Variants in TRIOBP observed in about 807,000 individuals in gnomAD.
The protein encoded by TRIOBP is TRIO and F-actin binding protein.
TRIOBP carries 169 observed loss-of-function variants against 238.8 expected under a neutral mutation model. The observed-to-expected ratio is 0.71, with a 90% CI of 0.62 to 0.80. The LOEUF (loss-of-function observed/expected upper bound fraction) is 0.80. TRIOBP is among the 30% of genes least tolerant of loss of function. TRIOBP has a pLI of 0.00. For missense variants in TRIOBP, 2,838 were observed against 3,122.6 expected (o/e 0.91, Z 2.17); for synonymous variants, 1,150 against 1,274.4 (o/e 0.90, Z 2.08).
intron 10 of TRIOBP, among the ~76,000 whole-genome samples, chr22:37,739,105 G>A (rs1348528223): frequency 6.6e-6 from 1 of 152,160 alleles, no homozygotes; most frequent in African/African-American, 2.4e-5. Context: ...CCAGAGAGCT[G>A]AGGATGTACC....
At chr22:37,704,970 G>C (rs935459039) in intron 3 of TRIOBP, among the ~76,000 whole-genome samples, 10 of 152,008 alleles carry the variant, frequency 6.6e-5, no homozygotes, top group Non-Finnish European at 4.4e-5. Context: ...CTAGTCAGAA[G>C]GCTGATGTGG....
intron 4 of TRIOBP, 106 bp from the exon 5 acceptor site, chr22:37,713,104 C>A (rs1255963234): frequency 4.0e-6 from 4 of 1,006,552 alleles, no homozygotes; most frequent in Non-Finnish European, 5.9e-6. Context: ...TTTCCCACAC[C>A]AGCGTGTGGG....
Position 37,770,959 on chromosome 22 carries a change from G to C in TRIOBP, c.6850-691G>C, listed in dbSNP as rs531543702. Among the ~76,000 whole-genome samples the C allele has an allele frequency of 2.0e-5, 3 of 152,348 alleles. No individual in the cohort carries two copies. The East Asian group carries it at 5.8e-4, about 29-fold the overall frequency. ...TGCCTCCCAAAGTGCTGGGATTACA[G>C]GCGTGAGCCACCGCTCCTGGCCCCA... On this transcript the variant is annotated intron_variant, in intron 21 of 23. Coordinates refer to ENST00000644935, the MANE Select transcript of TRIOBP (RefSeq NM_001039141.3).
intron 11 of TRIOBP, among the ~76,000 whole-genome samples, chr22:37,741,495 G>C (rs1220471477): frequency 6.6e-6 from 1 of 152,224 alleles, no homozygotes; most frequent in Non-Finnish European, 1.5e-5. Context: ...CCTCTGGCTG[G>C]GTTTTCCACA....
At chr22:37,753,436 A>G (rs1925735355) in intron 12 of TRIOBP, among the ~76,000 whole-genome samples, 1 of 152,068 alleles carries the variant, frequency 6.6e-6, no homozygotes, top group African/African-American at 2.4e-5. Context: ...CACCATGCCC[A>G]TCTAATTTTT....
At chr22:37,717,193 C>T (rs1291265064) in intron 6 of TRIOBP, among the ~76,000 whole-genome samples, 5 of 152,120 alleles carry the variant, frequency 3.3e-5, no homozygotes, top group African/African-American at 9.7e-5. Flanking sequence ...GAGACGCGTC[C>T]GCAGTTGTTC....
chr22:37,737,283 T>C (rs1924719524), intron 9 of TRIOBP, among the ~76,000 whole-genome samples: 1 of 152,070 alleles, frequency 6.6e-6, no homozygotes, highest in African/African-American at 2.4e-5. Flanking sequence ...GGGAGCACCA[T>C]GTACTGAAAG....
chr22:37,774,621 G>A lies in TRIOBP; in HGVS notation c.*841G>A, dbSNP rs1437317061. On this transcript the variant is annotated 3_prime_UTR_variant, in exon 24 of 24. Coordinates refer to ENST00000644935, the MANE Select transcript of TRIOBP (RefSeq NM_001039141.3). ...ACCCTTCCTAAAGCAGCGGCCTCTA[G>A]GCTTCTGAGGGTGGGGCTGAAAATC... 6.6e-6 allele frequency: 1 copy of A among 152,268 alleles called. No individual in the cohort carries two copies. The highest frequency in any genetic ancestry group is 1.5e-5 in the Non-Finnish European group (1 of 68,080). The allele number at this position is 152,268 out of a possible 1,614,324, so 9.4% of individuals were successfully genotyped here. A position where few individuals can be genotyped will look rare whatever the true frequency, so the allele number is the denominator to read the frequency against.
chr22:37,752,830 C>T (rs778923187), intron 12 of TRIOBP, among the ~76,000 whole-genome samples: 2 of 152,126 alleles, frequency 1.3e-5, no homozygotes. Context: ...CTGGAATGTC[C>T]GAACTGGAAG....
chr22:37,735,335 A>G lies in TRIOBP; in HGVS notation c.4999A>G (p.Ile1667Val), dbSNP rs1924619931. The G allele has an allele frequency of 6.2e-7, 1 of 1,613,354 alleles. No individual in the cohort carries two copies. The highest frequency in any genetic ancestry group is 8.5e-7 in the Non-Finnish European group (1 of 1,179,824). Residue 1667 changes from isoleucine to valine, a missense_variant, in exon 9 of 24, where the codon ATC becomes GTC. Physicochemically the swap from Ile to Val is conservative, Grantham distance 29. Coordinates refer to ENST00000644935, the MANE Select transcript of TRIOBP (RefSeq NM_001039141.3). ...PACTSTQWPK[I>V]KVTRGPATAT... is the part of the protein sequence containing the mutation. ...CTGCACCTCCACCCAGTGGCCAAAG[A>G]TCAAAGTGACAAGAGGACCAGCGAC...
chr22:37,767,085 T>C (rs1926535660), intron 18 of TRIOBP, among the ~76,000 whole-genome samples: 1 of 152,044 alleles, frequency 6.6e-6, no homozygotes, highest in African/African-American at 2.4e-5. Flanking sequence ...ACCCTGTCTC[T>C]ACTATGAATA....
At position 37,726,242 on chromosome 22, in the gene TRIOBP, C is replaced by T; in HGVS notation, c.3686C>T (p.Pro1229Leu). 1.2e-6 allele frequency: 2 copies of T among 1,610,968 alleles called. No individual in the cohort carries two copies. Among genetic ancestry groups the T allele is most frequent in the Non-Finnish European group, 1.7e-6 (2 of 1,178,830 alleles). The change falls in exon 7 of 24, where the codon CCA becomes CTA. Residue 1229 changes from proline to leucine, a missense_variant. Around this residue, in one of 5 missense-constraint regions of TRIOBP, gnomAD observed 2,096 missense variants for 2,137.4 expected, o/e 0.98. Transcript: ENST00000644935. ...CGGGATGCACCCCGAGCCTCCTCCCCACCCCGCCACCCACCCAGTGACCTA... is the reference window on the plus strand; with the variant it reads ...CGGGATGCACCCCGAGCCTCCTCCCTACCCCGCCACCCACCCAGTGACCTA... ...GHRDAPRASS[P>L]PRHPPSDLAF...
At chr22:37,750,502 C>T in intron 11 of TRIOBP, 1 of 389,510 alleles carries the variant, frequency 2.6e-6, no homozygotes, top group East Asian at 7.4e-5. Flanking sequence ...GGTCACCAAT[C>T]TTCATTCTTA....
At chr22:37,719,618 C>G (rs1357267763) in intron 6 of TRIOBP, among the ~76,000 whole-genome samples, 1 of 151,988 alleles carries the variant, frequency 6.6e-6, no homozygotes, top group Non-Finnish European at 1.5e-5. Flanking sequence ...CAGCAGTGAC[C>G]TGTTTTTTTG....
At chr22:37,742,300 A>C (rs1601644767) in intron 11 of TRIOBP, among the ~76,000 whole-genome samples, 3 of 105,096 alleles carry the variant, frequency 2.9e-5, no homozygotes, top group South Asian at 3.3e-4. Flanking sequence ...GTCTCGTTCT[A>C]CCCCCAGACT....
rs1166183249 is a variant in TRIOBP at position 37,735,056 on chromosome 22, T to C, written c.4720T>C (p.Trp1574Arg). The change falls in exon 9 of 24, where the codon TGG (tryptophan) becomes CGG (arginine). Residue 1574 changes from tryptophan to arginine, a missense_variant. Coordinates refer to ENST00000644935, the MANE Select transcript of TRIOBP (RefSeq NM_001039141.3). ...GLLRAPGEGV[W>R]ARVPSLDWEG... ...TCTCCGGGCACCAGGAGAGGGGGTCTGGGCCCGTGTCCCCAGCCTGGACTG... is the reference window on the plus strand; with the variant it reads ...TCTCCGGGCACCAGGAGAGGGGGTCCGGGCCCGTGTCCCCAGCCTGGACTG... The C allele has an allele frequency of 1.2e-6, 2 of 1,607,224 alleles. No individual in the cohort carries two copies. The highest frequency in any genetic ancestry group is 3.3e-5 in the Admixed American group (2 of 59,854).
At chr22:37,705,499 G>C (rs190461093) in intron 3 of TRIOBP, among the ~76,000 whole-genome samples, 1 of 152,068 alleles carries the variant, frequency 6.6e-6, no homozygotes, top group Non-Finnish European at 1.5e-5. Flanking sequence ...GGAGAATGGG[G>C]GGAGGCCTGG....
At chr22:37,730,297 A>G (rs1924362777) in intron 7 of TRIOBP, among the ~76,000 whole-genome samples, 1 of 152,164 alleles carries the variant, frequency 6.6e-6, no homozygotes, top group South Asian at 2.1e-4. Flanking sequence ...TCAGCATCGG[A>G]CAAGCCAGGT....
At position 37,755,159 on chromosome 22, in the gene TRIOBP, C is replaced by T. The variant is rs1280973762; in HGVS notation, c.5546C>T (p.Ala1849Val). 5.0e-6 allele frequency: 8 copies of T among 1,613,348 alleles called. No homozygotes were observed. The highest frequency in any genetic ancestry group is 3.3e-5 in the South Asian group (3 of 90,920). The change falls in exon 14 of 24, where the codon GCG becomes GTG. Residue 1849 changes from alanine (A) to valine (V), a missense_variant. By Grantham distance (64) the Ala-to-Val change is moderately conservative (BLOSUM62 0). Around this residue, in one of 5 missense-constraint regions of TRIOBP, gnomAD observed 2,096 missense variants for 2,137.4 expected, o/e 0.98. Transcript: ENST00000644935. ...LRSCTDVTEY[A>V]VQRNYGFQIH... ...TCCTGCACGGATGTCACTGAGTACG[C>T]GGTGCAGCGCAACTATGGCTTCCAG... is the stretch of plus-strand genomic sequence containing the variant.
Sources: allele counts gnomAD v4.1 joint callset (sites outside exome capture counted in the v4.1 genomes callset), GRCh38; gene constraint gnomAD v4.1.1; regional missense constraint gnomAD v4.1.1; transcripts MANE v1.5; gene names NCBI Gene and HGNC (gene_info 2026-07-23, HGNC 2026-07-21).